LMO2: variants seen among roughly 807,000 people sequenced by gnomAD.
LMO2 encodes LIM domain only 2.
A neutral mutation model predicts 23.2 loss-of-function variants in LMO2; 20 were observed. That is an observed-to-expected ratio of 0.86 (90% CI 0.61 to 1.25). LMO2 has a LOEUF of 1.25. Ranked by LOEUF, LMO2 falls within the 50% of genes most tolerant of loss-of-function variation. The pLI is 0.00. For synonymous variants in LMO2, 123 were observed against 130.2 expected (o/e 0.94, Z 0.38); for missense variants, 270 against 315.3 (o/e 0.86, Z 1.09).
At chr11:33,877,019 C>T (rs1305395924) in intron 2 of LMO2, among the ~76,000 whole-genome samples, 3 of 152,214 alleles carry the variant, frequency 2.0e-5, no homozygotes, top group Non-Finnish European at 4.4e-5. Context: ...CAATAGTCAA[C>T]CAGGGCAGGG....
At chr11:33,882,363 C>T (rs1885524) in intron 1 of LMO2, among the ~76,000 whole-genome samples, 69,289 of 152,010 alleles carry the variant, frequency 0.46, 16,163 homozygotes, top group Non-Finnish European at 0.5. Flanking sequence ...CTCAGAAATC[C>T]CCCATGAGTG....
rs867745011 is a variant in LMO2 at position 33,869,792 on chromosome 11, T to C, written c.-76A>G. Reference sequence around the variant, plus strand: ...CTCCGCGCCGCCCGCGGGGATGGTGTGCGCCCGCCCGGCCGCCCGGAGCCC... The same window carrying C: ...CTCCGCGCCGCCCGCGGGGATGGTGCGCGCCCGCCCGGCCGCCCGGAGCCC... On this transcript the variant is annotated 5_prime_UTR_variant, in exon 3 of 6. Coordinates refer to ENST00000257818, the MANE Select transcript of LMO2 (RefSeq NM_005574.4). 1 of 1,132,976 alleles carries C rather than the reference T, an allele frequency of 8.8e-7. No individual in the cohort carries two copies. The highest frequency in any genetic ancestry group is 3.8e-4 in the Middle Eastern group (1 of 2,662). The allele number at this position is 1,132,976 out of a possible 1,614,324, so 70.2% of individuals were successfully genotyped here.
intron 4 of LMO2, among the ~76,000 whole-genome samples, chr11:33,868,469 T>C (rs1856866741): frequency 6.6e-6 from 1 of 152,136 alleles, no homozygotes; most frequent in East Asian, 1.9e-4. Context: ...TAAAAGGGCA[T>C]TTGCGTTGAC....
At chr11:33,872,155 G>A (rs974901568) in intron 2 of LMO2, among the ~76,000 whole-genome samples, 4 of 152,182 alleles carry the variant, frequency 2.6e-5, no homozygotes, top group African/African-American at 7.2e-5. Flanking sequence ...GCCAGGTGTG[G>A]TGGCACATGC....
rs1857231620 is a variant in LMO2, at chr11:33,880,167, G to GATATATACACATGATATATATC, written c.-272+1656_-272+1657insGATATATATCATGTGTATATAT. Among the ~76,000 whole-genome samples the GATATATACACATGATATATATC allele has an allele frequency of 2.5e-4, 8 of 32,604 alleles. 2 individuals carry two copies. The highest frequency in any genetic ancestry group is 5.3e-4 in the Non-Finnish European group (8 of 15,072). The allele number at this position is 32,604 out of a possible 152,430, so 21.4% of individuals were successfully genotyped here. A position where few individuals can be genotyped will look rare whatever the true frequency, so the allele number is the denominator to read the frequency against. On this transcript the variant is annotated intron_variant, in intron 2 of 5. Transcript: ENST00000257818. The surrounding 1 kb of genome is among the most constrained non-coding windows in gnomAD (Gnocchi z 4.3). ...TTTATGTGTACATATATATACATAT[G>GATATATACACATGATATATATC]ATATATACACATGATATATATATCA...
intron 1 of LMO2, among the ~76,000 whole-genome samples, chr11:33,882,268 C>T (rs1885523): frequency 0.46 from 70,196 of 152,028 alleles, 16,504 homozygotes; most frequent in Non-Finnish European, 0.5. Flanking sequence ...ATTGTATGCA[C>T]CTGCCGGTCT....
intron 4 of LMO2, among the ~76,000 whole-genome samples, chr11:33,868,635 ACT>A (rs1856874391): frequency 2.0e-5 from 3 of 152,134 alleles, no homozygotes; most frequent in Admixed American, 6.6e-5. Flanking sequence ...CCCTTTTAAG[ACT>A]CTGCTAAAAA....
At position 33,864,067 on chromosome 11, in the gene LMO2, C is replaced by A. The variant is rs1565023484; in HGVS notation, c.464+535G>T. On this transcript the variant is annotated intron_variant, in intron 5 of 5. Transcript: ENST00000257818. The surrounding 1 kb of genome is among the most constrained non-coding windows in gnomAD (Gnocchi z 4.8). Reference sequence around the variant, plus strand: ...CCTCCAACTGCCTACAGGGCCTTTGCCTTTCTGCTCTTCGAAGACTGCCTT... The same window carrying A: ...CCTCCAACTGCCTACAGGGCCTTTGACTTTCTGCTCTTCGAAGACTGCCTT... 6.6e-6 allele frequency among the ~76,000 whole-genome samples: 1 copy of A among 152,190 alleles called. No individual in the cohort carries two copies. The highest frequency in any genetic ancestry group is 1.5e-5 in the Non-Finnish European group (1 of 68,026).
intron 4 of LMO2, among the ~76,000 whole-genome samples, chr11:33,868,412 G>A (rs1015528725): frequency 1.3e-5 from 2 of 152,138 alleles, no homozygotes; most frequent in African/African-American, 4.8e-5. Flanking sequence ...ATTAGAGGGG[G>A]ACTTCAAAGG....
intron 1 of LMO2, among the ~76,000 whole-genome samples, chr11:33,888,477 C>T (rs533724305): frequency 6.4e-4 from 98 of 152,348 alleles, no homozygotes; most frequent in African/African-American, 2.3e-3. Context: ...CTTCCTCCTT[C>T]CCTCCCTCTG....
At chr11:33,860,117 T>TC (rs148502579) in intron 5 of LMO2, among the ~76,000 whole-genome samples, 1,867 of 151,974 alleles carry the variant, frequency 0.012, 44 homozygotes, top group African/African-American at 0.043. Flanking sequence ...AAAGCACATC[T>TC]CCCCCTGATT....
At chr11:33,867,673 T>C (rs1477350909) in intron 4 of LMO2, among the ~76,000 whole-genome samples, 1 of 152,172 alleles carries the variant, frequency 6.6e-6, no homozygotes, top group Non-Finnish European at 1.5e-5. Flanking sequence ...GTTGGGCAAA[T>C]AGTGAAGTGA....
At chr11:33,859,644 T>A in intron 5 of LMO2, 69 bp from the exon 6 acceptor site, 1 of 1,456,284 alleles carries the variant, frequency 6.9e-7, no homozygotes, top group Admixed American at 1.8e-5. Context: ...GGCTCGGGGA[T>A]GAGCCCTAGA....
chr11:33,886,719 G>A (rs924400300), intron 1 of LMO2, among the ~76,000 whole-genome samples: 77 of 152,218 alleles, frequency 5.1e-4, no homozygotes, highest in Non-Finnish European at 1.9e-4. Context: ...GGAATAGACA[G>A]CCTCAGGCAT....
chr11:33,886,701 C>T (rs61498791), intron 1 of LMO2, among the ~76,000 whole-genome samples: 3,114 of 152,262 alleles, frequency 0.02, 104 homozygotes, highest in African/African-American at 0.071. Flanking sequence ...CTTTGGCATC[C>T]GTGGTGGGGA....
chr11:33,878,235 T>C (rs911687093), intron 2 of LMO2, among the ~76,000 whole-genome samples: 12 of 152,186 alleles, frequency 7.9e-5, no homozygotes, highest in Admixed American at 1.3e-4. Context: ...TCCTGGACCC[T>C]GAACCTTCCC....
At chr11:33,870,035 A>G in intron 2 of LMO2, 48 bp from the exon 3 acceptor site, 1 of 786,654 alleles carries the variant, frequency 1.3e-6, no homozygotes, top group Non-Finnish European at 1.6e-6. Context: ...TTAAAGAGAC[A>G]GCTGCCCGGT....
intron 2 of LMO2, among the ~76,000 whole-genome samples, chr11:33,874,088 T>G (rs553838471): frequency 2.0e-5 from 3 of 152,260 alleles, no homozygotes; most frequent in African/African-American, 7.2e-5. Context: ...GGAACAAAAA[T>G]AAAGACCTGT....
At chr11:33,860,029 G>A (rs1176530001) in intron 5 of LMO2, among the ~76,000 whole-genome samples, 1 of 152,170 alleles carries the variant, frequency 6.6e-6, no homozygotes, top group African/African-American at 2.4e-5. Flanking sequence ...TTCTTCTGAG[G>A]CTCCCAAACT....
Sources: gnomAD v4.1 joint callset for allele counts (sites outside exome capture counted in the v4.1 genomes callset) on GRCh38, gnomAD v4.1.1 for gene constraint, Gnocchi (gnomAD v3.1) non-coding constraint, MANE v1.5 for transcripts, NCBI Gene and HGNC (gene_info 2026-07-23, HGNC 2026-07-21) for gene names.